Variants in TSPAN11 observed in about 807,000 individuals in gnomAD.
TSPAN11 encodes the protein tetraspanin-11.
In TSPAN11, 29 loss-of-function variants were observed where a neutral mutation model predicts 32.9. The ratio of observed to expected loss-of-function variants is 0.88; its 90% CI spans 0.66 to 1.20. The LOEUF (loss-of-function observed/expected upper bound fraction) is 1.20. TSPAN11 is among the 50% of genes most tolerant of loss of function. The pLI is 0.00. For missense variants in TSPAN11, 283 were observed against 329.1 expected (o/e 0.86, Z 1.08); for synonymous variants, 140 against 141.3 (o/e 0.99, Z 0.07).
chr12:30,985,161 C>T (rs1398441722), intron 7 of TSPAN11, among the ~76,000 whole-genome samples: 1 of 152,058 alleles, frequency 6.6e-6, no homozygotes, highest in African/African-American at 2.4e-5. Flanking sequence ...TGGAGGGACC[C>T]CCATCTTGGT....
intron 1 of TSPAN11, among the ~76,000 whole-genome samples, chr12:30,927,185 G>C (rs978202996): frequency 6.6e-6 from 1 of 152,256 alleles, no homozygotes; most frequent in Admixed American, 6.5e-5. Context: ...CTGAATTCGA[G>C]TAGCTGCCTC....
chr12:30,935,636 G>T (rs542759510), intron 1 of TSPAN11, among the ~76,000 whole-genome samples: 5 of 151,998 alleles, frequency 3.3e-5, no homozygotes, highest in African/African-American at 1.2e-4. Flanking sequence ...CACCCACCTC[G>T]GCCTCCTAAA....
chr12:31,002,018 AT>A, the TSPAN11 span, among the ~76,000 whole-genome samples: 1 of 152,052 alleles, frequency 6.6e-6, no homozygotes, highest in African/African-American at 2.4e-5. This position sits in a 1 kb window ranked among gnomAD's most constrained non-coding sequence, Gnocchi z 4.8. Flanking sequence ...TTCCACCAAA[AT>A]TCCCATGACT....
intron 3 of TSPAN11, among the ~76,000 whole-genome samples, chr12:30,974,767 A>G (rs1434611240): frequency 1.3e-5 from 2 of 152,202 alleles, no homozygotes; most frequent in Non-Finnish European, 2.9e-5. Context: ...AGCAATGGGT[A>G]AAGTTGTGTC....
intron 1 of TSPAN11, among the ~76,000 whole-genome samples, chr12:30,943,709 T>C (rs1434890836): frequency 6.6e-6 from 1 of 152,220 alleles, no homozygotes; most frequent in South Asian, 2.1e-4. Flanking sequence ...TTTTGGCTCC[T>C]TCCAGCTGCC....
At chr12:31,004,408 C>T in the TSPAN11 span, among the ~76,000 whole-genome samples, 1 of 152,148 alleles carries the variant, frequency 6.6e-6, no homozygotes, top group African/African-American at 2.4e-5. Flanking sequence ...GTGATTGCCA[C>T]CCACCCACTG....
chr12:30,963,516 A>G (rs1938656445), intron 2 of TSPAN11, among the ~76,000 whole-genome samples: 1 of 152,216 alleles, frequency 6.6e-6, no homozygotes, highest in Non-Finnish European at 1.5e-5. Flanking sequence ...TACGTTGATC[A>G]TCCCTGAAAC....
At chr12:31,000,763 AAAG>A (rs1173632950), downstream of TSPAN11, among the ~76,000 whole-genome samples, 1 of 152,208 alleles carries the variant, frequency 6.6e-6, no homozygotes, top group African/African-American at 2.4e-5. Flanking sequence ...AATACACACA[AAAG>A]AAGACGTTTA....
rs1256704202 is a variant in TSPAN11 at position 30,992,464 on chromosome 12, G to A, written c.*549G>A. On this transcript the variant is annotated 3_prime_UTR_variant, in exon 8 of 8. Coordinates refer to ENST00000546076, the MANE Select transcript of TSPAN11 (RefSeq NM_001370302.1). ...CTCACCTGGAAAGCCATGTCCTGCT[G>A]GCCTCATTCCTTCCTGAAGGGCCTA... is the stretch of plus-strand genomic sequence containing the variant. The A allele has an allele frequency of 5.8e-6, 1 of 171,742 alleles. No individual in the cohort carries two copies. The highest frequency in any genetic ancestry group is 1.4e-4 in the East Asian group (1 of 6,982). The allele number at this position is 171,742 out of a possible 1,614,324, so 10.6% of individuals were successfully genotyped here. A position where few individuals can be genotyped will look rare whatever the true frequency, so the allele number is the denominator to read the frequency against.
At chr12:31,009,748 G>A in the TSPAN11 span, among the ~76,000 whole-genome samples, 8 of 152,154 alleles carry the variant, frequency 5.3e-5, no homozygotes, top group Non-Finnish European at 1.2e-4. Flanking sequence ...GCCTTTAGAC[G>A]AAGCAGTGTC....
At chr12:30,959,779 C>CA (rs1169712019) in intron 2 of TSPAN11, among the ~76,000 whole-genome samples, 1,490 of 39,132 alleles carry the variant, frequency 0.038, 37 homozygotes, top group African/African-American at 0.083. Flanking sequence ...GACTCTGTCT[C>CA]AAAAAAAAAA....
intron 1 of TSPAN11, among the ~76,000 whole-genome samples, chr12:30,934,147 C>G (rs1937993543): frequency 6.6e-6 from 1 of 152,256 alleles, no homozygotes; most frequent in Admixed American, 6.5e-5. Flanking sequence ...AAGGCACTAA[C>G]CCCCAGCTGT....
chr12:30,998,030 G>T (rs1287451906), downstream of TSPAN11, among the ~76,000 whole-genome samples: 1 of 152,178 alleles, frequency 6.6e-6, no homozygotes, highest in Non-Finnish European at 1.5e-5. Context: ...GCCAGCCTAG[G>T]GCATGCTCAC....
At chr12:30,986,180 A>G (rs1037416887) in intron 7 of TSPAN11, among the ~76,000 whole-genome samples, 11 of 152,184 alleles carry the variant, frequency 7.2e-5, no homozygotes, top group African/African-American at 9.7e-5. Context: ...AAGACCCCCA[A>G]GGCTCAGGAA....
At chr12:31,003,203 T>A in the TSPAN11 span, among the ~76,000 whole-genome samples, 1 of 152,216 alleles carries the variant, frequency 6.6e-6, no homozygotes, top group Non-Finnish European at 1.5e-5. Context: ...GAGATCATAG[T>A]CAGGAGACAC....
At chr12:30,957,405 T>G (rs1411533224) in intron 2 of TSPAN11, among the ~76,000 whole-genome samples, 1 of 152,116 alleles carries the variant, frequency 6.6e-6, no homozygotes, top group East Asian at 1.9e-4. Context: ...AGCTCAGGAC[T>G]CTAGGCCTGC....
intron 5 of TSPAN11, among the ~76,000 whole-genome samples, chr12:30,981,158 T>G (rs1939083143): frequency 6.6e-6 from 1 of 152,124 alleles, no homozygotes; most frequent in Admixed American, 6.5e-5. Flanking sequence ...TGTCTGTGCA[T>G]GTGGACACGG....
At chr12:31,004,860 C>A in the TSPAN11 span, among the ~76,000 whole-genome samples, 5 of 152,330 alleles carry the variant, frequency 3.3e-5, no homozygotes, top group South Asian at 1.0e-3. Context: ...ACTTCACCAG[C>A]CCCCAGGGGA....
rs111889170 is a variant in TSPAN11 at position 30,983,898 on chromosome 12, T to C, written c.702+748T>C. The stretch of plus-strand genomic sequence containing the variant: ...TCAGGAATTGAGCATCCATGGATTT[T>C]GGTGTCCAGGGCAGTGACTGTGTGT... On this transcript the variant is annotated intron_variant, in intron 7 of 7. Transcript: ENST00000546076. Among the ~76,000 whole-genome samples, 1,338 of 152,292 alleles carry C rather than the reference T, an allele frequency of 8.8e-3. 26 individuals carry two copies. The highest frequency in any genetic ancestry group is 0.03 in the African/African-American group (1,259 of 41,552).
Sources: gnomAD v4.1 joint callset for allele counts (sites outside exome capture counted in the v4.1 genomes callset) on GRCh38, gnomAD v4.1.1 for gene constraint, Gnocchi (gnomAD v3.1) non-coding constraint, MANE v1.5 for transcripts, NCBI Gene and HGNC (gene_info 2026-07-23, HGNC 2026-07-21) for gene names.